EIF5B: variants seen among roughly 807,000 people sequenced by gnomAD.
EIF5B encodes the protein eukaryotic translation initiation factor 5B, also known as eIF-5B.
In EIF5B, 47 loss-of-function variants were observed where a neutral mutation model predicts 147.5. That is an observed-to-expected ratio of 0.32 (90% CI 0.25 to 0.41). The LOEUF (loss-of-function observed/expected upper bound fraction) is 0.41, where lower values mean the gene tolerates loss of function less well. Among genes scored for constraint, EIF5B ranks in the 10% least tolerant of loss-of-function variants. EIF5B has a pLI of 1.00. For missense variants in EIF5B, 1,064 were observed against 1,413.2 expected (o/e 0.75, Z 3.96); for synonymous variants, 455 against 456.2 (o/e 1.00, Z 0.03).
chr2:99,381,702 C>CT (rs199502347), intron 12 of EIF5B, among the ~76,000 whole-genome samples: 1,673 of 152,196 alleles, frequency 0.011, 9 homozygotes, highest in Middle Eastern at 0.024. Flanking sequence ...TGCATTTACT[C>CT]TTTAACACTT....
chr2:99,357,207 G>A (rs1674113627), intron 1 of EIF5B, among the ~76,000 whole-genome samples: 1 of 152,134 alleles, frequency 6.6e-6, no homozygotes, highest in Non-Finnish European at 1.5e-5. Context: ...TCAGTATTAT[G>A]TTGACTTATG....
chr2:99,390,803 T>C, intron 17 of EIF5B, 98 bp downstream of exon 17: 1 of 1,304,340 alleles, frequency 7.7e-7, no homozygotes, highest in Non-Finnish European at 1.0e-6. Context: ...TTTGACTTAA[T>C]ACAGAACACA....
At chr2:99,344,242 T>C (rs927599280) in intron 1 of EIF5B, among the ~76,000 whole-genome samples, 4 of 152,114 alleles carry the variant, frequency 2.6e-5, no homozygotes, top group Non-Finnish European at 4.4e-5. Flanking sequence ...TATGTGGATA[T>C]CTAGTTGTCC....
At chr2:99,340,772 C>G (rs2094257563) in intron 1 of EIF5B, 1 of 151,276 alleles carries the variant, frequency 6.6e-6, no homozygotes, top group African/African-American at 2.4e-5. Flanking sequence ...TGTGAAAAAT[C>G]TTCTTTTTTT....
At chr2:99,367,854 T>C (rs1054930761) in intron 6 of EIF5B, among the ~76,000 whole-genome samples, 3 of 152,218 alleles carry the variant, frequency 2.0e-5, no homozygotes, top group Non-Finnish European at 4.4e-5. Flanking sequence ...ATTTACCTTA[T>C]GTTTCATCAT....
chr2:99,338,016 C>A (rs1160888231), intron 1 of EIF5B, among the ~76,000 whole-genome samples: 1 of 152,154 alleles, frequency 6.6e-6, no homozygotes, highest in African/African-American at 2.4e-5. Flanking sequence ...TGATGTACGG[C>A]CGGGTTTCTC....
At chr2:99,369,734 T>C (rs191407667) in intron 8 of EIF5B, among the ~76,000 whole-genome samples, 92 of 152,304 alleles carry the variant, frequency 6.0e-4, no homozygotes, top group Middle Eastern at 6.8e-3. Flanking sequence ...GGATACACTT[T>C]GGGAGGGTGA....
At chr2:99,339,006 A>AAATATATATATATATATAC (rs1559240279) in intron 1 of EIF5B, among the ~76,000 whole-genome samples, 2 of 137,204 alleles carry the variant, frequency 1.5e-5, no homozygotes, top group African/African-American at 5.4e-5. Context: ...ATATATATAC[A>AAATATATATATATATATAC]TTTTTTTTTT....
chr2:99,390,427 G>GTT (rs58344028), intron 16 of EIF5B, 26 bp downstream of exon 16: 27,854 of 1,374,316 alleles, frequency 0.02, 24 homozygotes, highest in Non-Finnish European at 0.02. Flanking sequence ...TCAGTTTATT[G>GTT]TTTTTTTTTT....
chr2:99,382,622 T>A (rs1674713716), intron 13 of EIF5B, among the ~76,000 whole-genome samples, 158 bp from the exon 14 acceptor site: 1 of 152,208 alleles, frequency 6.6e-6, no homozygotes, highest in Non-Finnish European at 1.5e-5. Context: ...TTCAAGTGAT[T>A]GGTAGATGAG....
At chr2:99,389,599 A>G in intron 14 of EIF5B, 119 bp from the exon 15 acceptor site, 1 of 729,850 alleles carries the variant, frequency 1.4e-6, no homozygotes, top group Non-Finnish European at 1.8e-6. Context: ...AAAGTGTATG[A>G]GTAAGTCACA....
chr2:99,382,095 G>A (rs1260780908), intron 12 of EIF5B, 64 bp from the exon 13 acceptor site: 1 of 1,412,404 alleles, frequency 7.1e-7, no homozygotes, highest in Non-Finnish European at 1.0e-6. Flanking sequence ...CAAAAGGATT[G>A]TTCTGTAAAG....
chr2:99,380,478 C>T (rs987713755), intron 12 of EIF5B, among the ~76,000 whole-genome samples: 1 of 152,208 alleles, frequency 6.6e-6, no homozygotes, highest in Non-Finnish European at 1.5e-5. Context: ...GAATCTTTCT[C>T]ATACAATTCT....
At chr2:99,360,104 G>T in intron 1 of EIF5B, 132 bp from the exon 2 acceptor site, 1 of 1,121,852 alleles carries the variant, frequency 8.9e-7, no homozygotes, top group Non-Finnish European at 1.2e-6. Flanking sequence ...GTGTTGTAAT[G>T]AAAGAACTTG....
chr2:99,399,309 C>G lies in EIF5B; in HGVS notation c.3558C>G (p.Ile1186Met). The change falls in exon 24 of 24, where the codon ATC becomes ATG. Residue 1186 changes from isoleucine (I) to methionine (M), a missense_variant and splice_region_variant. Transcript: ENST00000289371. ...FEATDILVSK[I>M]SRQSIDALKD... is the part of the protein sequence containing the mutation. ...TGTTTGTGCCTCGGGCATTGCAGATCAGCCGGCAGTCCATTGATGCACTCA... is the reference window on the plus strand; with the variant it reads ...TGTTTGTGCCTCGGGCATTGCAGATGAGCCGGCAGTCCATTGATGCACTCA... The G allele has an allele frequency of 2.5e-6, 4 of 1,614,004 alleles. No homozygotes were observed. The highest frequency in any genetic ancestry group is 3.4e-6 in the Non-Finnish European group (4 of 1,179,954).
intron 1 of EIF5B, among the ~76,000 whole-genome samples, chr2:99,358,487 G>A (rs1409779817): frequency 3.3e-5 from 5 of 152,216 alleles, no homozygotes; most frequent in Non-Finnish European, 7.3e-5. Context: ...CTGTGCCTCA[G>A]TTAGTAGTTA....
chr2:99,401,081 T>C lies in EIF5B; in HGVS notation c.*1667T>C, dbSNP rs1473946562. 2.0e-6 allele frequency: 1 copy of C among 490,348 alleles called. No individual in the cohort carries two copies. Among genetic ancestry groups the C allele is most frequent in the Non-Finnish European group, 3.7e-6 (1 of 272,730 alleles). 30.4% of individuals were successfully genotyped at this position (490,348 alleles called of 1,614,324 possible). A position where few individuals can be genotyped will look rare whatever the true frequency, so the allele number is the denominator to read the frequency against. ...TAACACAATTATTTACATGCAATAC[T>C]GACAAATTTGGCACTTTTTGAAAAG... On this transcript the variant is annotated 3_prime_UTR_variant, in exon 24 of 24. Coordinates refer to ENST00000289371, the MANE Select transcript of EIF5B (RefSeq NM_015904.4).
chr2:99,348,254 C>T (rs186945736), intron 1 of EIF5B, among the ~76,000 whole-genome samples: 22 of 152,228 alleles, frequency 1.4e-4, no homozygotes, highest in Non-Finnish European at 1.8e-4. Flanking sequence ...AAAGGAGTCA[C>T]GACTTCATAA....
chr2:99,366,162 G>T (rs1233067030), intron 6 of EIF5B, among the ~76,000 whole-genome samples: 1 of 152,112 alleles, frequency 6.6e-6, no homozygotes, highest in Non-Finnish European at 1.5e-5. Context: ...GCTTCTTCAA[G>T]AACTTGATTG....
Sources: allele counts gnomAD v4.1 joint callset (sites outside exome capture counted in the v4.1 genomes callset), GRCh38; gene constraint gnomAD v4.1.1; transcripts MANE v1.5; gene names NCBI Gene and HGNC (gene_info 2026-07-23, HGNC 2026-07-21).